LYST: variants seen among roughly 807,000 people sequenced by gnomAD.
LYST encodes lysosomal-trafficking regulator.
A neutral mutation model predicts 413.6 loss-of-function variants in LYST; 192 were observed. The ratio of observed to expected loss-of-function variants is 0.46; its 90% CI spans 0.41 to 0.52. LYST has a LOEUF of 0.52. LYST is among the 20% of genes least tolerant of loss of function. The probability of loss-of-function intolerance (pLI) is 0.00; values close to 1 mark genes in which losing one functional copy is unlikely to be tolerated. For missense variants in LYST, 3,815 were observed against 4,499.9 expected (o/e 0.85, Z 4.35); for synonymous variants, 1,525 against 1,567.3 (o/e 0.97, Z 0.64).
upstream of LYST, chr1:235,867,001 G>A (rs921140038): frequency 6.7e-6 from 1 of 149,726 alleles, no homozygotes; most frequent in Non-Finnish European, 1.5e-5. Flanking sequence ...TCCGGACCCA[G>A]ACCCGCTCGT....
intron 1 of LYST, among the ~76,000 whole-genome samples, chr1:235,850,703 A>G (rs1328930955): frequency 6.6e-6 from 1 of 152,168 alleles, no homozygotes; most frequent in Non-Finnish European, 1.5e-5. Flanking sequence ...TCCCATCAAA[A>G]AGTGGGCTAA....
intron 1 of LYST, among the ~76,000 whole-genome samples, chr1:235,835,405 C>G (rs913905755): frequency 1.3e-5 from 2 of 152,256 alleles, no homozygotes; most frequent in Admixed American, 1.3e-4. Context: ...ATGATTCCAG[C>G]TAACTCAGCG....
chr1:235,875,298 T>G (rs909977346), intron 1 of LYST, among the ~76,000 whole-genome samples: 2 of 152,162 alleles, frequency 1.3e-5, no homozygotes, highest in African/African-American at 4.8e-5. Context: ...ATTCCCTATT[T>G]CCTCCTTTCA....
chr1:235,673,916 T>C (rs556962265), intron 50 of LYST, among the ~76,000 whole-genome samples: 1 of 152,290 alleles, frequency 6.6e-6, no homozygotes, highest in South Asian at 2.1e-4. Flanking sequence ...ACACCTTAAA[T>C]AAAAGCGATT....
chr1:235,789,545 TTATGA>T (rs559470456), intron 12 of LYST, among the ~76,000 whole-genome samples: 160 of 152,320 alleles, frequency 1.1e-3, no homozygotes, highest in African/African-American at 3.6e-3. Context: ...TAAAGCTATG[TTATGA>T]TATATCAAAA....
rs1355740309 is a variant in LYST, at chr1:235,709,316, A to C, written c.9926-8T>G. The C allele has an allele frequency of 1.3e-6, 2 of 1,599,068 alleles. No homozygotes were observed. The highest frequency in any genetic ancestry group is 1.3e-5 in the African/African-American group (1 of 74,298). ...GCACACCAAAATCAAAACCTAAAAG[A>C]GAAGATTAATATTAATATTTAACTC... On this transcript the variant is annotated splice_region_variant and splice_polypyrimidine_tract_variant and intron_variant, in intron 43 of 52. Transcript: ENST00000389793.
intron 48 of LYST, among the ~76,000 whole-genome samples, chr1:235,679,145 C>A (rs935442725): frequency 2.6e-5 from 4 of 152,186 alleles, no homozygotes; most frequent in African/African-American, 4.8e-5. Context: ...GGGCGTGTGA[C>A]CTTCACCTGA....
chr1:235,808,633 T>C lies in LYST; in HGVS notation c.2185A>G (p.Lys729Glu). 2.5e-6 allele frequency: 4 copies of C among 1,612,836 alleles called. No individual in the cohort carries two copies. The highest frequency in any genetic ancestry group is 3.4e-6 in the Non-Finnish European group (4 of 1,178,916). ...GGATTAAATATGTAATTATATAATT[T>C]CCACTGAACAACTATATTGCCTTTC... The part of the protein sequence containing the change: ...IQKGNIVVQW[K>E]LYNYIFNPVL... The change falls in exon 5 of 53, where the codon AAA becomes GAA. Residue 729 changes from lysine (K) to glutamate (E), a missense_variant. Lys to Glu is a moderately conservative substitution (Grantham distance 56). Transcript: ENST00000389793.
At chr1:235,768,119 C>T (rs1222601376) in intron 20 of LYST, among the ~76,000 whole-genome samples, 1 of 152,130 alleles carries the variant, frequency 6.6e-6, no homozygotes, top group Non-Finnish European at 1.5e-5. Flanking sequence ...GATGGCTTCA[C>T]TATTACCAGT....
At chr1:235,783,446 C>G (rs2103486143) in intron 14 of LYST, among the ~76,000 whole-genome samples, 1 of 151,974 alleles carries the variant, frequency 6.6e-6, no homozygotes, top group South Asian at 2.1e-4. Flanking sequence ...CATACGGACA[C>G]AGGGAGGGGA....
intron 42 of LYST, chr1:235,712,974 C>T (rs1394867690): frequency 3.0e-6 from 3 of 985,342 alleles, no homozygotes; most frequent in Non-Finnish European, 3.6e-6. Flanking sequence ...TTCTTAGGAA[C>T]CATATTGCAT....
intron 52 of LYST, 73 bp from the exon 53 acceptor site, chr1:235,663,151 T>C: frequency 1.9e-6 from 2 of 1,033,626 alleles, no homozygotes; most frequent in East Asian, 2.4e-5. Context: ...GTCATCATAC[T>C]GAGGTTAGTG....
chr1:235,802,556 G>C (rs139071059), intron 8 of LYST, among the ~76,000 whole-genome samples: 1 of 152,208 alleles, frequency 6.6e-6, no homozygotes, highest in Non-Finnish European at 1.5e-5. Flanking sequence ...CTTCAGAAAG[G>C]ACTTCCCTCA....
intron 24 of LYST, among the ~76,000 whole-genome samples, 181 bp downstream of exon 24, chr1:235,757,100 A>G (rs1458735252): frequency 6.6e-6 from 1 of 152,156 alleles, no homozygotes; most frequent in Non-Finnish European, 1.5e-5. Context: ...GTATCCCTAA[A>G]GCTATCAAAA....
Position 235,817,578 on chromosome 1 carries a change from C to A in LYST, c.193-4517G>T, listed in dbSNP as rs572633739. Among the ~76,000 whole-genome samples the A allele has an allele frequency of 1.1e-3, 170 of 152,182 alleles. 1 individual carries two copies. The highest frequency in any genetic ancestry group is 3.8e-3 in the African/African-American group (157 of 41,526). On this transcript the variant is annotated intron_variant, in intron 3 of 52. Coordinates refer to ENST00000389793, the MANE Select transcript of LYST (RefSeq NM_000081.4). ...TGTCCTTTGTAGCAATATGGATGGA[C>A]GCTGAGGTCATTATCCTAGGTGAAC... is the stretch of plus-strand genomic sequence containing the variant.
At chr1:235,814,755 GGTT>G (rs1420370350) in intron 3 of LYST, among the ~76,000 whole-genome samples, 2 of 152,130 alleles carry the variant, frequency 1.3e-5, no homozygotes, top group East Asian at 3.8e-4. Flanking sequence ...CTGGTGTCCT[GGTT>G]GTGAAAAGGC....
intron 39 of LYST, among the ~76,000 whole-genome samples, chr1:235,722,397 G>T (rs1260372196): frequency 6.6e-6 from 1 of 152,244 alleles, no homozygotes; most frequent in Non-Finnish European, 1.5e-5. Flanking sequence ...GGAGAGCAGA[G>T]AAATGGTAGT....
At chr1:235,739,849 C>T (rs776174488) in intron 31 of LYST, among the ~76,000 whole-genome samples, 6 of 151,808 alleles carry the variant, frequency 4.0e-5, no homozygotes, top group South Asian at 4.2e-4. Flanking sequence ...GCCTTGGTGA[C>T]GAAATGGATT....
At chr1:235,715,484 TC>T in intron 41 of LYST, 127 bp from the exon 42 acceptor site, 3 of 861,010 alleles carry the variant, frequency 3.5e-6, no homozygotes, top group Non-Finnish European at 3.7e-6. Flanking sequence ...TGGCTGGCCC[TC>T]CCACTCTTAC....
Sources: gnomAD v4.1 joint callset for allele counts (sites outside exome capture counted in the v4.1 genomes callset) on GRCh38, gnomAD v4.1.1 for gene constraint, MANE v1.5 for transcripts, NCBI Gene and HGNC (gene_info 2026-07-23, HGNC 2026-07-21) for gene names.